The following PPP3R1 variants were observed in gnomAD, a reference collection of about 807,000 sequenced individuals.
The protein encoded by PPP3R1 is protein phosphatase 3 regulatory subunit B, alpha.
In PPP3R1, 5 loss-of-function variants were observed where a neutral mutation model predicts 22.6. The ratio of observed to expected loss-of-function variants is 0.22; its 90% CI spans 0.12 to 0.46. PPP3R1 has a LOEUF of 0.46. Among genes scored for constraint, PPP3R1 ranks in the 20% least tolerant of loss-of-function variants. The pLI is 0.99. For synonymous variants in PPP3R1, 56 were observed against 65.2 expected, an observed-to-expected ratio of 0.86 and a Z score of 0.68; for missense variants, 61 against 203.2, an observed-to-expected ratio of 0.30 and a Z score of 4.25.
At chr2:68,232,417 C>T (rs867149943) in intron 1 of PPP3R1, among the ~76,000 whole-genome samples, 11 of 147,178 alleles carry the variant, frequency 7.5e-5, no homozygotes, top group Admixed American at 4.7e-4. Flanking sequence ...CTCCAGCCTG[C>T]GCAACAGAGT....
At chr2:68,234,058 T>C (rs996127983) in intron 1 of PPP3R1, among the ~76,000 whole-genome samples, 1 of 152,140 alleles carries the variant, frequency 6.6e-6, no homozygotes, top group Non-Finnish European at 1.5e-5. Flanking sequence ...ATAAAGAAGC[T>C]TAAGGCCGGG....
chr2:68,191,936 G>A (rs1294763703), intron 2 of PPP3R1, among the ~76,000 whole-genome samples: 2 of 151,962 alleles, frequency 1.3e-5, no homozygotes, highest in East Asian at 1.9e-4. Flanking sequence ...AATGCTTTTC[G>A]CTTATTTATT....
chr2:68,232,419 C>T (rs1669935404), intron 1 of PPP3R1, among the ~76,000 whole-genome samples: 1 of 147,554 alleles, frequency 6.8e-6, no homozygotes, highest in Non-Finnish European at 1.5e-5. Flanking sequence ...CCAGCCTGCG[C>T]AACAGAGTGA....
At position 68,232,108 on chromosome 2, in the gene PPP3R1, A is replaced by ATAT. The variant is rs574107859; in HGVS notation, c.4-14978_4-14977insATA. On this transcript the variant is annotated intron_variant, in intron 1 of 5. Transcript: ENST00000234310. Reference sequence around the variant, plus strand: ...TACCCGTATCTACTAAAAAAAAAAAAATATATATATATATATACACACACA... The same window carrying ATAT: ...TACCCGTATCTACTAAAAAAAAAAAATATATATATATATATATATACACACACA... 4.5e-5 allele frequency among the ~76,000 whole-genome samples: 4 copies of ATAT among 89,828 alleles called. No homozygotes were observed. In the East Asian group the frequency reaches 1.3e-3, roughly 29 times the overall value. 58.9% of individuals were successfully genotyped at this position (89,828 alleles called of 152,430 possible).
At chr2:68,193,521 C>G (rs1572954102) in intron 2 of PPP3R1, among the ~76,000 whole-genome samples, 1 of 152,082 alleles carries the variant, frequency 6.6e-6, no homozygotes, top group African/African-American at 2.4e-5. Flanking sequence ...GCTTGGAAAG[C>G]AAAGCCAGGA....
chr2:68,226,848 A>C (rs550007654), intron 1 of PPP3R1, among the ~76,000 whole-genome samples: 17 of 152,266 alleles, frequency 1.1e-4, no homozygotes, highest in Non-Finnish European at 2.5e-4. Context: ...CCGAATTCTT[A>C]AAAGTCCAGT....
chr2:68,193,945 A>T lies in PPP3R1; in HGVS notation c.44-5255T>A, dbSNP rs972171259. On this transcript the variant is annotated intron_variant, in intron 2 of 5. Transcript: ENST00000234310. The stretch of plus-strand genomic sequence containing the variant: ...GCTTAGGATCATATTCCCTTAAAAG[A>T]GATGGACAAGGAAAAACAAACCTCA... Among the ~76,000 whole-genome samples, 4 of 152,052 alleles carry T rather than the reference A, an allele frequency of 2.6e-5. No individual in the cohort carries two copies. In the South Asian group the frequency reaches 8.3e-4, roughly 32 times the overall value.
At chr2:68,216,797 C>T (rs1180330606) in intron 2 of PPP3R1, among the ~76,000 whole-genome samples, 1 of 152,162 alleles carries the variant, frequency 6.6e-6, no homozygotes, top group Non-Finnish European at 1.5e-5. Flanking sequence ...TGAAACTTCA[C>T]TTGAAAAACT....
chr2:68,223,919 T>C (rs903040765), intron 1 of PPP3R1, among the ~76,000 whole-genome samples: 2 of 151,470 alleles, frequency 1.3e-5, no homozygotes, highest in African/African-American at 4.8e-5. Flanking sequence ...TAAAAAGCTA[T>C]CAAAACTAAT....
chr2:68,252,040 G>T (rs1487142260), intron 1 of PPP3R1, 85 bp downstream of exon 1: 28 of 1,273,344 alleles, frequency 2.2e-5, no homozygotes, highest in Middle Eastern at 2.2e-4. Flanking sequence ...ACAGCCGACC[G>T]GGGGCGTCGG....
intron 2 of PPP3R1, among the ~76,000 whole-genome samples, chr2:68,213,908 G>C (rs1317585047): frequency 6.6e-6 from 1 of 152,122 alleles, no homozygotes; most frequent in Admixed American, 6.6e-5. Context: ...CACAAGACCT[G>C]ACTTGAAGCT....
At chr2:68,212,785 G>C (rs1420213741) in intron 2 of PPP3R1, among the ~76,000 whole-genome samples, 1 of 152,216 alleles carries the variant, frequency 6.6e-6, no homozygotes, top group Non-Finnish European at 1.5e-5. Flanking sequence ...GATTTACAGA[G>C]TGATAAATGA....
At chr2:68,188,431 C>CTT (rs11343435) in intron 3 of PPP3R1, 83 bp downstream of exon 3, 1,669 of 955,222 alleles carry the variant, frequency 1.7e-3, no homozygotes, top group South Asian at 3.0e-3. Flanking sequence ...AATATAAGCA[C>CTT]TTTTTTTTTT....
intron 2 of PPP3R1, among the ~76,000 whole-genome samples, chr2:68,205,440 C>CA (rs1427513748): frequency 6.6e-6 from 1 of 151,986 alleles, no homozygotes; most frequent in Non-Finnish European, 1.5e-5. Context: ...GATGGGGTTT[C>CA]ACCATGTCAG....
rs192828201 is a variant in PPP3R1 at position 68,233,765 on chromosome 2, T to C, written c.4-16634A>G. On this transcript the variant is annotated intron_variant, in intron 1 of 5. Coordinates refer to ENST00000234310, the MANE Select transcript of PPP3R1 (RefSeq NM_000945.4). ...CCTTCAGATACCTCAGATAAACTAA[T>C]TTACATTTCAATGACTTTTTTCAAA... is the stretch of plus-strand genomic sequence containing the variant. 3.4e-3 allele frequency among the ~76,000 whole-genome samples: 523 copies of C among 152,290 alleles called. 1 individual carries two copies. The highest frequency in any genetic ancestry group is 7.2e-3 in the Admixed American group (110 of 15,298).
chr2:68,242,925 C>A (rs1057165790), intron 1 of PPP3R1, among the ~76,000 whole-genome samples: 8 of 152,136 alleles, frequency 5.3e-5, no homozygotes, highest in African/African-American at 1.9e-4. Context: ...TTTTAAAATG[C>A]ATACCTAATT....
intron 2 of PPP3R1, among the ~76,000 whole-genome samples, chr2:68,203,601 C>CAA (rs35483386): frequency 0.047 from 6,654 of 142,292 alleles, 352 homozygotes; most frequent in African/African-American, 0.13. Flanking sequence ...AACTCTGTCT[C>CAA]AAAAAAAAAA....
chr2:68,196,197 T>C (rs1476944824), intron 2 of PPP3R1, among the ~76,000 whole-genome samples: 1 of 152,192 alleles, frequency 6.6e-6, no homozygotes, highest in Non-Finnish European at 1.5e-5. Context: ...TCAACAGAAG[T>C]TACTGAGAAG....
rs542731949 is a variant in PPP3R1 at position 68,198,234 on chromosome 2, T to C, written c.44-9544A>G. On this transcript the variant is annotated intron_variant, in intron 2 of 5. Coordinates refer to ENST00000234310, the MANE Select transcript of PPP3R1 (RefSeq NM_000945.4). ...TACATATATACATTTTACATATATG[T>C]ATACACATATGTACATACATATGTA... Among the ~76,000 whole-genome samples the C allele has an allele frequency of 1.8e-4, 21 of 115,274 alleles. No individual in the cohort carries two copies. The East Asian group carries it at 2.7e-3, about 15-fold the overall frequency. 75.6% of individuals were successfully genotyped at this position (115,274 alleles called of 152,430 possible).
Sources: allele counts gnomAD v4.1 joint callset (sites outside exome capture counted in the v4.1 genomes callset), GRCh38; gene constraint gnomAD v4.1.1; transcripts MANE v1.5; gene names NCBI Gene and HGNC (gene_info 2026-07-23, HGNC 2026-07-21).